ABHD17C: variants seen among roughly 807,000 people sequenced by gnomAD.
ABHD17C encodes the protein alpha/beta hydrolase domain-containing protein 17C.
ABHD17C carries 11 observed loss-of-function variants against 27.9 expected under a neutral mutation model. That is an observed-to-expected ratio of 0.39 (90% confidence interval 0.25 to 0.65). The LOEUF (loss-of-function observed/expected upper bound fraction) is 0.65, where lower values mean the gene tolerates loss of function less well. Ranked by LOEUF, ABHD17C falls within the 30% of genes least tolerant of loss-of-function variation. The pLI, the probability that ABHD17C is intolerant of heterozygous loss-of-function variation, is 0.45. For missense variants in ABHD17C, 280 were observed against 470.2 expected, an observed-to-expected ratio of 0.60 and a Z score of 3.74; for synonymous variants, 233 against 209.1, an observed-to-expected ratio of 1.11 and a Z score of -0.98.
At chr15:80,730,526 G>A (rs1376414505) in intron 1 of ABHD17C, among the ~76,000 whole-genome samples, 1 of 152,190 alleles carries the variant, frequency 6.6e-6, no homozygotes, top group Non-Finnish European at 1.5e-5. Context: ...AGACGTTGTT[G>A]GCATGCAGCT....
intron 1 of ABHD17C, among the ~76,000 whole-genome samples, chr15:80,727,494 A>G (rs1445587405): frequency 6.6e-6 from 1 of 152,208 alleles, no homozygotes; most frequent in African/African-American, 2.4e-5. Context: ...TTGGCTAACA[A>G]TCAGTGTCAT....
chr15:80,704,374 G>A (rs1370410248), intron 1 of ABHD17C, among the ~76,000 whole-genome samples: 1 of 152,050 alleles, frequency 6.6e-6, no homozygotes, highest in Admixed American at 6.5e-5. Context: ...ACCCCACCTA[G>A]CCTTGTTCTG....
At chr15:80,723,938 C>T (rs140939584) in intron 1 of ABHD17C, among the ~76,000 whole-genome samples, 8 of 152,240 alleles carry the variant, frequency 5.3e-5, no homozygotes, top group South Asian at 4.1e-4. Flanking sequence ...TGCAGTAGCT[C>T]GCACCTGTAA....
intron 1 of ABHD17C, among the ~76,000 whole-genome samples, chr15:80,734,538 A>G (rs1404797667): frequency 6.6e-6 from 1 of 152,238 alleles, no homozygotes; most frequent in South Asian, 2.1e-4. Context: ...AAGAGATTTA[A>G]TTTTATATTT....
chr15:80,726,501 GTTTTT>G (rs10572505), intron 1 of ABHD17C, among the ~76,000 whole-genome samples: 6 of 94,508 alleles, frequency 6.3e-5, no homozygotes, highest in Non-Finnish European at 7.3e-5. Context: ...TCTTTTTCTG[GTTTTT>G]TTTTTTTTTT....
intron 1 of ABHD17C, among the ~76,000 whole-genome samples, chr15:80,740,806 T>G (rs913795418): frequency 2.6e-5 from 4 of 152,178 alleles, no homozygotes; most frequent in African/African-American, 9.7e-5. Context: ...TGGCAAAATA[T>G]GATGACACTC....
intron 1 of ABHD17C, among the ~76,000 whole-genome samples, chr15:80,728,775 G>GGATT (rs993137339): frequency 2.6e-5 from 4 of 152,148 alleles, no homozygotes; most frequent in African/African-American, 4.8e-5. Context: ...AGCACAGATT[G>GGATT]GATTGATTGA....
chr15:80,748,856 G>C (rs1475299213), intron 1 of ABHD17C, among the ~76,000 whole-genome samples: 1 of 151,542 alleles, frequency 6.6e-6, no homozygotes, highest in Admixed American at 6.6e-5. Context: ...TGGAACTTAG[G>C]TCTCTGCACG....
intron 1 of ABHD17C, among the ~76,000 whole-genome samples, chr15:80,742,573 G>A (rs1895225373): frequency 6.6e-6 from 1 of 152,128 alleles, no homozygotes; most frequent in Admixed American, 6.5e-5. Context: ...CACCCTCACA[G>A]ACACACCCAG....
intron 1 of ABHD17C, among the ~76,000 whole-genome samples, chr15:80,722,678 C>T (rs1042891421): frequency 2.0e-5 from 3 of 152,052 alleles, no homozygotes; most frequent in African/African-American, 7.2e-5. Context: ...ATATTTATTT[C>T]ATATAACTGA....
chr15:80,715,431 C>T (rs1894790753), intron 1 of ABHD17C, among the ~76,000 whole-genome samples: 1 of 152,124 alleles, frequency 6.6e-6, no homozygotes, highest in Admixed American at 6.6e-5. Context: ...AATCTCTGTG[C>T]CTCAGTTTCC....
At chr15:80,719,022 A>G (rs879796416) in intron 1 of ABHD17C, among the ~76,000 whole-genome samples, 2 of 152,228 alleles carry the variant, frequency 1.3e-5, no homozygotes, top group African/African-American at 2.4e-5. Flanking sequence ...TGATAAGTAC[A>G]GTAAGATGTG....
chr15:80,724,275 C>G (rs2141505268), intron 1 of ABHD17C, among the ~76,000 whole-genome samples: 1 of 152,222 alleles, frequency 6.6e-6, no homozygotes, highest in Non-Finnish European at 1.5e-5. Flanking sequence ...CTGCAGTGAG[C>G]TGTGATTATG....
chr15:80,734,516 G>C (rs544391907), intron 1 of ABHD17C, among the ~76,000 whole-genome samples: 1 of 152,242 alleles, frequency 6.6e-6, no homozygotes, highest in South Asian at 2.1e-4. Context: ...TATTTTACTT[G>C]TAGCAGATCC....
chr15:80,696,233 T>C (rs1381294898), intron 1 of ABHD17C, among the ~76,000 whole-genome samples: 1 of 152,252 alleles, frequency 6.6e-6, no homozygotes, highest in African/African-American at 2.4e-5. Context: ...TTCAGGTTCC[T>C]GGAGAGCTCG....
At chr15:80,722,078 G>A (rs1450076787) in intron 1 of ABHD17C, among the ~76,000 whole-genome samples, 2 of 152,052 alleles carry the variant, frequency 1.3e-5, no homozygotes, top group Middle Eastern at 3.2e-3. Context: ...CTGCAGCCCT[G>A]TTATAGCATG....
intron 1 of ABHD17C, among the ~76,000 whole-genome samples, chr15:80,721,401 A>G (rs1894895974): frequency 6.6e-6 from 1 of 152,034 alleles, no homozygotes; most frequent in African/African-American, 2.4e-5. Flanking sequence ...GTATGTTGGT[A>G]GGTTAGCTTG....
chr15:80,740,858 C>T (rs1337847751), intron 1 of ABHD17C, among the ~76,000 whole-genome samples: 1 of 152,180 alleles, frequency 6.6e-6, no homozygotes, highest in Admixed American at 6.5e-5. Context: ...TTTAGTCTCA[C>T]TGGTGAGAAT....
At chr15:80,734,581 A>G (rs1475184810) in intron 1 of ABHD17C, among the ~76,000 whole-genome samples, 1 of 152,184 alleles carries the variant, frequency 6.6e-6, no homozygotes, top group East Asian at 1.9e-4. Context: ...TGAAAAATGG[A>G]AGATAAAATT....
Sources: allele counts gnomAD v4.1 joint callset (sites outside exome capture counted in the v4.1 genomes callset), GRCh38; gene constraint gnomAD v4.1.1; transcripts MANE v1.5; gene names NCBI Gene and HGNC (gene_info 2026-07-23, HGNC 2026-07-21).